CSMD1: variants seen among roughly 807,000 people sequenced by gnomAD.
The protein encoded by CSMD1 is CUB and Sushi multiple domains 1, also known as CUB and sushi domain-containing protein 1.
CSMD1 carries 213 observed loss-of-function variants against 417.5 expected under a neutral mutation model. The observed-to-expected ratio is 0.51, with a 90% CI of 0.46 to 0.57. CSMD1 has a LOEUF of 0.57. Among genes scored for constraint, CSMD1 ranks in the 20% least tolerant of loss-of-function variants. CSMD1 has a pLI of 0.00. For synonymous variants in CSMD1, 2,862 were observed against 1,736.8 expected (o/e 1.65, Z -16.11); for missense variants, 6,923 against 4,529.7 (o/e 1.53, Z -15.17).
At chr8:3,272,523 G>A (rs1214020361) in intron 26 of CSMD1, among the ~76,000 whole-genome samples, 3 of 140,936 alleles carry the variant, frequency 2.1e-5, no homozygotes, top group African/African-American at 5.4e-5. Context: ...ACTTTGGGCA[G>A]TATGGCCATT....
Position 4,237,028 on chromosome 8 carries a change from G to T in CSMD1, c.415+182925C>A, listed in dbSNP as rs542197259. ...TTAAATCGCGCTCCATTGCTTCATGGATATATGTGTTGCCATGGACAGATA... is the reference window on the plus strand; with the variant it reads ...TTAAATCGCGCTCCATTGCTTCATGTATATATGTGTTGCCATGGACAGATA... On this transcript the variant is annotated intron_variant, in intron 3 of 69. Transcript: ENST00000635120. Among the ~76,000 whole-genome samples, 19 of 152,242 alleles carry T rather than the reference G, an allele frequency of 1.2e-4. No homozygotes were observed. In the South Asian group the frequency reaches 3.9e-3, roughly 32 times the overall value.
intron 7 of CSMD1, among the ~76,000 whole-genome samples, chr8:3,679,087 T>G (rs201649587): frequency 6.6e-6 from 1 of 151,916 alleles, no homozygotes; most frequent in African/African-American, 2.4e-5. Context: ...ACATGCCAAA[T>G]TGTAAAGACC....
At chr8:4,074,038 T>C (rs146971735) in intron 3 of CSMD1, among the ~76,000 whole-genome samples, 1 of 152,262 alleles carries the variant, frequency 6.6e-6, no homozygotes, top group Non-Finnish European at 1.5e-5. Flanking sequence ...CTTCTGCTTT[T>C]AGACATTTAG....
rs147623070 is a variant in CSMD1 at position 4,182,916 on chromosome 8, G to A, written c.416-150817C>T. On this transcript the variant is annotated intron_variant, in intron 3 of 69. Transcript: ENST00000635120. ...TGAATGGGAGAATGTAATTGAAGAC[G>A]GTGGATAGAATCTCAATTAGCAAAT... Among the ~76,000 whole-genome samples, 891 of 152,112 alleles carry A rather than the reference G, an allele frequency of 5.9e-3. 8 individuals are homozygous for A. Among genetic ancestry groups the A allele is most frequent in the African/African-American group, 0.02 (843 of 41,492 alleles).
intron 5 of CSMD1, among the ~76,000 whole-genome samples, chr8:3,828,190 G>A (rs1364926251): frequency 6.6e-6 from 1 of 152,084 alleles, no homozygotes; most frequent in Non-Finnish European, 1.5e-5. Context: ...TAACCAGTAT[G>A]CAATCCTTGA....
chr8:4,973,230 G>T (rs1344665769), intron 1 of CSMD1, among the ~76,000 whole-genome samples: 1 of 152,042 alleles, frequency 6.6e-6, no homozygotes, highest in African/African-American at 2.4e-5. Flanking sequence ...TTGAGAGAAA[G>T]CATTTTCTTG....
At chr8:4,777,391 G>C (rs796645220) in intron 1 of CSMD1, among the ~76,000 whole-genome samples, 2 of 152,280 alleles carry the variant, frequency 1.3e-5, no homozygotes, top group African/African-American at 2.4e-5. Flanking sequence ...TGAAGAGAGA[G>C]AGATGTCTCA....
At chr8:4,861,299 C>T (rs1048011987) in intron 1 of CSMD1, among the ~76,000 whole-genome samples, 3 of 152,068 alleles carry the variant, frequency 2.0e-5, no homozygotes, top group East Asian at 1.9e-4. Flanking sequence ...TGCACATAAT[C>T]GTGAACTTAC....
chr8:3,046,139 G>A (rs146964193), intron 50 of CSMD1, among the ~76,000 whole-genome samples: 1 of 152,324 alleles, frequency 6.6e-6, no homozygotes, highest in African/African-American at 2.4e-5. Context: ...CTGCAGAGGA[G>A]TGTCCTCTTT....
intron 2 of CSMD1, among the ~76,000 whole-genome samples, chr8:4,437,134 G>A (rs766556001): frequency 3.3e-5 from 5 of 152,142 alleles, no homozygotes; most frequent in African/African-American, 1.2e-4. Context: ...AATTCTTTTA[G>A]GGGAATTTTA....
At chr8:3,327,365 C>T (rs571582550) in intron 23 of CSMD1, among the ~76,000 whole-genome samples, 5 of 152,056 alleles carry the variant, frequency 3.3e-5, no homozygotes, top group Admixed American at 1.3e-4. Context: ...GATCTCGTGA[C>T]CTTGTGATCT....
chr8:3,447,593 G>C (rs996273494), intron 12 of CSMD1, among the ~76,000 whole-genome samples: 4 of 152,178 alleles, frequency 2.6e-5, no homozygotes, highest in South Asian at 4.1e-4. Context: ...AGGTTCCGTA[G>C]GATTAGCCCC....
intron 23 of CSMD1, among the ~76,000 whole-genome samples, chr8:3,324,043 C>G (rs1806334153): frequency 7.2e-6 from 1 of 139,418 alleles, no homozygotes; most frequent in African/African-American, 2.7e-5. Flanking sequence ...TTCACCCCAC[C>G]TTTCATCATT....
chr8:3,984,909 A>G (rs1814203253), intron 5 of CSMD1, among the ~76,000 whole-genome samples: 1 of 151,902 alleles, frequency 6.6e-6, no homozygotes, highest in Non-Finnish European at 1.5e-5. Context: ...CTTTATTTCA[A>G]GCTTCATTGT....
intron 2 of CSMD1, among the ~76,000 whole-genome samples, chr8:4,468,268 C>G (rs1305567333): frequency 6.6e-6 from 1 of 152,156 alleles, no homozygotes. Flanking sequence ...ACTCCTGACC[C>G]CACCTTCACC....
At chr8:4,027,107 G>A (rs1348110802) in intron 4 of CSMD1, among the ~76,000 whole-genome samples, 1 of 152,158 alleles carries the variant, frequency 6.6e-6, no homozygotes, top group East Asian at 1.9e-4. Flanking sequence ...ACACAGCTTT[G>A]TGGAGCAAAA....
chr8:3,647,148 G>T (rs1425000965), intron 7 of CSMD1, among the ~76,000 whole-genome samples: 1 of 152,106 alleles, frequency 6.6e-6, no homozygotes, highest in Non-Finnish European at 1.5e-5. Context: ...AGCTTGTAGG[G>T]GTGGATGGTC....
At chr8:2,955,821 T>A (rs895639568) in intron 63 of CSMD1, 53 bp from the exon 64 acceptor site, 1 of 1,533,250 alleles carries the variant, frequency 6.5e-7, no homozygotes, top group Non-Finnish European at 9.0e-7. Context: ...AGTTAGCACA[T>A]GTGTCTAGAG....
intron 1 of CSMD1, among the ~76,000 whole-genome samples, chr8:4,956,273 C>T (rs1170995593): frequency 6.6e-6 from 1 of 151,410 alleles, no homozygotes. Flanking sequence ...AAGTGACAGA[C>T]CTTGCATAGT....
Sources: gnomAD v4.1 joint callset for allele counts (sites outside exome capture counted in the v4.1 genomes callset) on GRCh38, gnomAD v4.1.1 for gene constraint, MANE v1.5 for transcripts, NCBI Gene and HGNC (gene_info 2026-07-23, HGNC 2026-07-21) for gene names.